ZCCHC14: variants seen among roughly 807,000 people sequenced by gnomAD.
The protein encoded by ZCCHC14 is zinc finger CCHC domain-containing protein 14.
Under a neutral mutation model 85.0 loss-of-function variants are expected in ZCCHC14, and 16 were observed. The observed-to-expected ratio is 0.19, with a 90% CI of 0.13 to 0.29. The LOEUF is 0.29. Ranked by LOEUF, ZCCHC14 falls within the 10% of genes least tolerant of loss-of-function variation. The pLI, the probability that ZCCHC14 is intolerant of heterozygous loss-of-function variation, is 1.00. For synonymous variants in ZCCHC14, 775 were observed against 630.7 expected (o/e 1.23, Z -3.43); for missense variants, 1,303 against 1,443.5 (o/e 0.90, Z 1.58).
chr16:87,433,924 G>A (rs998868933), intron 2 of ZCCHC14, among the ~76,000 whole-genome samples: 3 of 151,724 alleles, frequency 2.0e-5, no homozygotes, highest in Admixed American at 2.0e-4. Context: ...ATTTACAGGC[G>A]AAAGCCACCG....
At chr16:87,469,830 T>C (rs1911699466) in intron 1 of ZCCHC14, among the ~76,000 whole-genome samples, 1 of 152,086 alleles carries the variant, frequency 6.6e-6, no homozygotes, top group African/African-American at 2.4e-5. Context: ...CCAGAAGCAC[T>C]GGGGATGAGG....
intron 3 of ZCCHC14, among the ~76,000 whole-genome samples, chr16:87,430,824 C>G (rs1270093637): frequency 6.6e-6 from 1 of 151,498 alleles, no homozygotes; most frequent in Non-Finnish European, 1.5e-5. Context: ...GCCCCGCTAA[C>G]TTTCAGAATC....
In ZCCHC14 at chr16:87,409,861, C is replaced by A. The variant is rs1425735468; in HGVS notation, c.*419G>T. The A allele has an allele frequency of 6.3e-6, 1 of 159,192 alleles. No individual in the cohort carries two copies. Among genetic ancestry groups the A allele is most frequent in the Non-Finnish European group, 1.4e-5 (1 of 72,624 alleles). 9.9% of individuals were successfully genotyped at this position (159,192 alleles called of 1,614,324 possible). ...AAAACAAAGTCGACATTTTCCCTAGCCCAGGGGTGTCAGGAGTCCGGCGGG... is the reference window on the plus strand; with the variant it reads ...AAAACAAAGTCGACATTTTCCCTAGACCAGGGGTGTCAGGAGTCCGGCGGG... On this transcript the variant is annotated 3_prime_UTR_variant, in exon 13 of 13. Coordinates refer to ENST00000671377, the MANE Select transcript of ZCCHC14 (RefSeq NM_015144.3).
Position 87,412,529 on chromosome 16 carries a change from G to C in ZCCHC14, c.2192C>G (p.Thr731Ser). The C allele has an allele frequency of 6.2e-7, 1 of 1,614,052 alleles. No homozygotes were observed. Among genetic ancestry groups the C allele is most frequent in the Non-Finnish European group, 8.5e-7 (1 of 1,180,018 alleles). The change falls in exon 12 of 13, where the codon ACC (threonine) becomes AGC (serine). Residue 731 changes from threonine to serine, a missense_variant. Thr to Ser is a moderately conservative substitution (Grantham distance 58). Transcript: ENST00000671377. ...CAGCGTGGATGCATGCACGACTTTG[G>C]TCCGGGGACCAAAGGAGACTGTGGG... ...MSPTVSFGPR[T>S]KVVHASTLDR...
In ZCCHC14 at chr16:87,480,828, G is replaced by A. The variant is rs1309272821; in HGVS notation, c.570+10841C>T. 2.0e-5 allele frequency among the ~76,000 whole-genome samples: 3 copies of A among 152,208 alleles called. No homozygotes were observed. In the South Asian group the frequency reaches 6.2e-4, roughly 32 times the overall value. On this transcript the variant is annotated intron_variant, in intron 1 of 12. Transcript: ENST00000671377. ...ACTGGTATCTATGAACCAATAATGC[G>A]TATAGGGGTATCACAGGTAACCGGT...
At chr16:87,484,749 G>C (rs1157348451) in intron 1 of ZCCHC14, among the ~76,000 whole-genome samples, 1 of 152,148 alleles carries the variant, frequency 6.6e-6, no homozygotes, top group African/African-American at 2.4e-5. Context: ...TGTTAAAGCC[G>C]GGGTTTTGTT....
chr16:87,477,337 G>T (rs993634864), intron 1 of ZCCHC14, among the ~76,000 whole-genome samples: 1 of 152,206 alleles, frequency 6.6e-6, no homozygotes. Context: ...CCGCTGGGGC[G>T]AAGGCAGGGA....
At position 87,484,068 on chromosome 16, in the gene ZCCHC14, G is replaced by C. The variant is rs139888266; in HGVS notation, c.570+7601C>G. Among the ~76,000 whole-genome samples the C allele has an allele frequency of 3.1e-3, 478 of 152,354 alleles. 3 individuals carry two copies. The highest frequency in any genetic ancestry group is 0.011 in the African/African-American group (458 of 41,572). On this transcript the variant is annotated intron_variant, in intron 1 of 12. Transcript: ENST00000671377. Reference sequence around the variant, plus strand: ...CAGGAGGCACCTGTGTGTGCAGTGGGACATCAGGTATCTACTTGTAAATAC... The same window carrying C: ...CAGGAGGCACCTGTGTGTGCAGTGGCACATCAGGTATCTACTTGTAAATAC...
At chr16:87,485,106 G>A (rs867781050) in intron 1 of ZCCHC14, among the ~76,000 whole-genome samples, 2 of 152,190 alleles carry the variant, frequency 1.3e-5, no homozygotes, top group African/African-American at 2.4e-5. Context: ...AGTGAATGGC[G>A]GGCGGGGTCC....
chr16:87,448,577 C>G (rs1022458001), intron 2 of ZCCHC14, among the ~76,000 whole-genome samples: 3 of 152,196 alleles, frequency 2.0e-5, no homozygotes, highest in African/African-American at 7.2e-5. Flanking sequence ...CACTCACCTT[C>G]TACCTTGTAT....
intron 1 of ZCCHC14, among the ~76,000 whole-genome samples, chr16:87,486,230 G>C (rs570070273): frequency 1.3e-5 from 2 of 152,174 alleles, no homozygotes; most frequent in South Asian, 4.2e-4. Context: ...CACCAAGAAA[G>C]CAATCAGAAC....
In ZCCHC14 at chr16:87,412,046, T is replaced by C. The variant is rs77713917; in HGVS notation, c.2675A>G (p.Asn892Ser). The change falls in exon 12 of 13, where the codon AAC becomes AGC. Residue 892 changes from asparagine (N) to serine (S), a missense_variant. Asn to Ser is a conservative substitution (Grantham distance 46). Transcript: ENST00000671377. ...SSSGGGGSTGNIPASNPNHHH... is the reference protein window; with the variant it reads ...SSSGGGGSTGSIPASNPNHHH... The stretch of plus-strand genomic sequence containing the variant: ...GTGGTTCGGATTCGAGGCAGGAATG[T>C]TTCCTGTGGAGCCGCCACCGCCACT... 3 of 1,609,376 alleles carry C rather than the reference T, an allele frequency of 1.9e-6. No individual in the cohort carries two copies. The Admixed American group carries it at 5.0e-5, about 27-fold the overall frequency.
chr16:87,414,660 G>T, intron 9 of ZCCHC14, 119 bp from the exon 10 acceptor site: 1 of 1,378,312 alleles, frequency 7.3e-7, no homozygotes, highest in Non-Finnish European at 9.7e-7. Flanking sequence ...GCGACTTCGA[G>T]ATGGGTCTAC....
intron 7 of ZCCHC14, among the ~76,000 whole-genome samples, chr16:87,418,517 G>A (rs547390814): frequency 7.2e-5 from 11 of 152,332 alleles, no homozygotes; most frequent in Admixed American, 4.6e-4. Context: ...GGGCCCGTGC[G>A]GACAGAGGAC....
intron 3 of ZCCHC14, 35 bp from the exon 4 acceptor site, chr16:87,423,916 A>G: frequency 6.2e-7 from 1 of 1,608,806 alleles, no homozygotes; most frequent in African/African-American, 1.3e-5. Context: ...CCTTAGAAAC[A>G]GACACCACAT....
intron 1 of ZCCHC14, chr16:87,473,677 C>T (rs1911876611): frequency 6.6e-6 from 1 of 152,108 alleles, no homozygotes. Flanking sequence ...TAATATTCAG[C>T]TCCCTGAGAT....
At chr16:87,479,456 C>T (rs1178437399) in intron 1 of ZCCHC14, among the ~76,000 whole-genome samples, 1 of 150,896 alleles carries the variant, frequency 6.6e-6, no homozygotes, top group Non-Finnish European at 1.5e-5. Context: ...TAATTTCTTT[C>T]TGGTAATTCT....
chr16:87,411,763 G>A lies in ZCCHC14; in HGVS notation c.2958C>T (p.Val986=), dbSNP rs779212119. The change falls in exon 12 of 13, where the codon GTC becomes GTT. Residue 986 remains valine, a synonymous_variant. Transcript: ENST00000671377. ...CGCTGCTGCTGTAAGGGGCGTGCAC[G>A]ACGGGGAAGGTGGAGCCGCCGCCGT... ...QQYGGGSTFP[V]VHAPYSSSGT... The A allele has an allele frequency of 1.1e-5, 17 of 1,612,118 alleles. No homozygotes were observed. Among genetic ancestry groups the A allele is most frequent in the Middle Eastern group, 1.7e-4 (1 of 6,004 alleles).
At chr16:87,482,783 TG>T (rs1187722213) in intron 1 of ZCCHC14, among the ~76,000 whole-genome samples, 1 of 152,144 alleles carries the variant, frequency 6.6e-6, no homozygotes, top group East Asian at 1.9e-4. Flanking sequence ...GGCTGTCATC[TG>T]GAAAATATAA....
Sources: allele counts gnomAD v4.1 joint callset (sites outside exome capture counted in the v4.1 genomes callset), GRCh38; gene constraint gnomAD v4.1.1; transcripts MANE v1.5; gene names NCBI Gene and HGNC (gene_info 2026-07-23, HGNC 2026-07-21).